Variants in BAIAP2 observed in about 807,000 individuals in gnomAD.
BAIAP2 encodes the protein BAR/IMD domain-containing adapter protein 2.
BAIAP2 carries 18 observed loss-of-function variants against 63.0 expected under a neutral mutation model. The ratio of observed to expected loss-of-function variants is 0.29; its 90% CI spans 0.20 to 0.42. The LOEUF (loss-of-function observed/expected upper bound fraction) is 0.42, where lower values mean the gene tolerates loss of function less well. Among genes scored for constraint, BAIAP2 ranks in the 10% least tolerant of loss-of-function variants. The pLI, the probability that BAIAP2 is intolerant of heterozygous loss-of-function variation, is 1.00. For missense variants in BAIAP2, 610 were observed against 734.3 expected, an observed-to-expected ratio of 0.83 and a Z score of 1.96; for synonymous variants, 386 against 307.6, an observed-to-expected ratio of 1.25 and a Z score of -2.67.
chr17:81,101,424 A>C (rs1324483659), intron 7 of BAIAP2, among the ~76,000 whole-genome samples: 1 of 152,064 alleles, frequency 6.6e-6, no homozygotes, highest in Non-Finnish European at 1.5e-5. Flanking sequence ...GTTCACCCAT[A>C]GTCCATGGGT....
chr17:81,036,725 GGTT>G (rs1411136233), intron 1 of BAIAP2: 8 of 715,086 alleles, frequency 1.1e-5, no homozygotes, highest in South Asian at 1.8e-5. Flanking sequence ...CAGGCCCTGG[GGTT>G]GTTAGGTTTG....
intron 7 of BAIAP2, among the ~76,000 whole-genome samples, chr17:81,100,761 C>CT (rs1354277620): frequency 1.1e-4 from 17 of 152,178 alleles, no homozygotes; most frequent in Admixed American, 8.5e-4. Context: ...GGGGCCCTGC[C>CT]TGGCTCTCAG....
intron 3 of BAIAP2, among the ~76,000 whole-genome samples, chr17:81,081,657 G>A (rs1276763655): frequency 2.0e-5 from 3 of 152,184 alleles, no homozygotes; most frequent in African/African-American, 4.8e-5. Flanking sequence ...ACCCTAGGTC[G>A]AGTGAGCCTG....
chr17:81,062,315 TTTTTTTGGTATTACAG>T (rs1476236637), intron 3 of BAIAP2, among the ~76,000 whole-genome samples: 1 of 152,214 alleles, frequency 6.6e-6, no homozygotes, highest in Non-Finnish European at 1.5e-5. Flanking sequence ...TGATTTTTTT[TTTTTTTGGTATTACAG>T]TTTTTTGGTA....
At chr17:81,070,764 C>T (rs1039525885) in intron 3 of BAIAP2, among the ~76,000 whole-genome samples, 8 of 152,346 alleles carry the variant, frequency 5.3e-5, no homozygotes, top group African/African-American at 1.4e-4. Flanking sequence ...GCCGCTGACC[C>T]GGGAGCCCCC....
intron 13 of BAIAP2, among the ~76,000 whole-genome samples, chr17:81,111,402 G>C (rs1325248408): frequency 6.6e-6 from 1 of 152,258 alleles, no homozygotes; most frequent in Non-Finnish European, 1.5e-5. Flanking sequence ...CTGGAGGTCA[G>C]GGTCCTGGGG....
At chr17:81,084,493 T>G (rs928638707) in intron 3 of BAIAP2, among the ~76,000 whole-genome samples, 2 of 152,078 alleles carry the variant, frequency 1.3e-5, no homozygotes, top group Admixed American at 6.5e-5. Flanking sequence ...GCCGGATGCG[T>G]ATGAGGACGC....
chr17:81,098,268 CG>C, intron 6 of BAIAP2: 2 of 1,179,330 alleles, frequency 1.7e-6, no homozygotes, highest in Non-Finnish European at 2.2e-6. Context: ...GAGCACAGTC[CG>C]GGGCCTGGGA....
chr17:81,107,900 A>AG (rs1316171154), intron 12 of BAIAP2: 1 of 156,182 alleles, frequency 6.4e-6, no homozygotes, highest in Non-Finnish European at 1.4e-5. Context: ...AGAGCCAAGG[A>AG]GGGGTCTGCA....
intron 3 of BAIAP2, among the ~76,000 whole-genome samples, chr17:81,074,871 C>T (rs1459448088): frequency 6.6e-6 from 1 of 152,252 alleles, no homozygotes; most frequent in African/African-American, 2.4e-5. Context: ...TGGCAAAGCA[C>T]ACCGCCAGGG....
chr17:81,093,529 C>T (rs2057148184), intron 6 of BAIAP2, among the ~76,000 whole-genome samples: 1 of 152,112 alleles, frequency 6.6e-6, no homozygotes, highest in Non-Finnish European at 1.5e-5. Flanking sequence ...AGAGATGGCC[C>T]CGCATCCCTG....
intron 4 of BAIAP2, chr17:81,085,392 G>T (rs1357472917): frequency 1.6e-6 from 1 of 635,168 alleles, no homozygotes; most frequent in Non-Finnish European, 2.9e-6. Flanking sequence ...AGAGGAAGGA[G>T]GGGATGGCCG....
At chr17:81,067,145 C>T (rs916738378) in intron 3 of BAIAP2, among the ~76,000 whole-genome samples, 11 of 152,240 alleles carry the variant, frequency 7.2e-5, no homozygotes, top group African/African-American at 9.6e-5. Context: ...CCGCTTGCTC[C>T]GACCTGCCTG....
intron 1 of BAIAP2, among the ~76,000 whole-genome samples, chr17:81,043,588 C>T (rs907598298): frequency 1.6e-4 from 25 of 152,278 alleles, no homozygotes; most frequent in African/African-American, 6.0e-4. Flanking sequence ...CCGGGAGGCC[C>T]TGTCACTGCT....
At chr17:81,066,791 C>T (rs1390251717) in intron 3 of BAIAP2, among the ~76,000 whole-genome samples, 2 of 152,332 alleles carry the variant, frequency 1.3e-5, no homozygotes, top group African/African-American at 4.8e-5. Context: ...CCTCTGGGCT[C>T]AGGCGGCTCC....
chr17:81,100,712 A>G (rs1598782877), intron 7 of BAIAP2, among the ~76,000 whole-genome samples: 3 of 151,882 alleles, frequency 2.0e-5, no homozygotes, highest in African/African-American at 7.3e-5. Flanking sequence ...CCCTCACCCA[A>G]CCCAAACCTG....
intron 3 of BAIAP2, among the ~76,000 whole-genome samples, chr17:81,063,194 G>A (rs1012756166): frequency 1.3e-5 from 2 of 152,086 alleles, no homozygotes; most frequent in African/African-American, 4.8e-5. Flanking sequence ...AAATGTGAAA[G>A]GTCTGGAGCG....
intron 6 of BAIAP2, among the ~76,000 whole-genome samples, chr17:81,092,592 A>C (rs1038939473): frequency 2.0e-5 from 3 of 152,254 alleles, no homozygotes; most frequent in South Asian, 2.1e-4. Flanking sequence ...CATGAAAAGA[A>C]GTAATTTTAG....
chr17:81,090,713 G>C (rs980419689), intron 6 of BAIAP2, among the ~76,000 whole-genome samples: 3 of 152,212 alleles, frequency 2.0e-5, no homozygotes, highest in African/African-American at 7.2e-5. Flanking sequence ...TGGGGCACTT[G>C]GTATGTGGCT....
Sources: allele counts gnomAD v4.1 joint callset (sites outside exome capture counted in the v4.1 genomes callset), GRCh38; gene constraint gnomAD v4.1.1; transcripts MANE v1.5; gene names NCBI Gene and HGNC (gene_info 2026-07-23, HGNC 2026-07-21).